The following PANX2 variants were observed in gnomAD, a reference collection of about 807,000 sequenced individuals.
The protein encoded by PANX2 is pannexin-2.
In PANX2, 30 loss-of-function variants were observed where a neutral mutation model predicts 38.7. The ratio of observed to expected loss-of-function variants is 0.78; its 90% confidence interval spans 0.58 to 1.05. PANX2 has a LOEUF of 1.05. Among genes scored for constraint, PANX2 ranks in the 50% least tolerant of loss-of-function variants. The probability of loss-of-function intolerance (pLI) is 0.00; values close to 1 mark genes in which losing one functional copy is unlikely to be tolerated. For synonymous variants in PANX2, 539 were observed against 472.1 expected (o/e 1.14, Z -1.84); for missense variants, 880 against 979.3 (o/e 0.90, Z 1.35).
rs2063684462 is a variant in PANX2, at chr22:50,179,201, C to T, written c.1958C>T (p.Ala653Val). 1.2e-6 allele frequency: 2 copies of T among 1,612,594 alleles called. No homozygotes were observed. The highest frequency in any genetic ancestry group is 1.7e-6 in the Non-Finnish European group (2 of 1,179,910). ...RLPQDVGDLI[A>V]IPAPQQILIA... ...CCGCAGGACGTGGGGGACCTCATCG[C>T]CATCCCTGCCCCACAGCAGATCCTC... Residue 653 changes from alanine (A) to valine (V), a missense_variant, in exon 3 of 3, where the codon GCC becomes GTC. Around this residue, in one of 4 missense-constraint regions of PANX2, gnomAD observed 445 missense variants for 404.3 expected, o/e 1.10. Coordinates refer to ENST00000395842, the MANE Select transcript of PANX2 (RefSeq NM_052839.4).
Position 50,170,966 on chromosome 22 carries a change from G to A in PANX2, c.226+10G>A. 2 of 1,457,530 alleles carry A rather than the reference G, an allele frequency of 1.4e-6. No individual in the cohort carries two copies. The highest frequency in any genetic ancestry group is 1.3e-5 in the South Asian group (1 of 76,506). The allele number at this position is 1,457,530 out of a possible 1,614,324, so 90.3% of individuals were successfully genotyped here. On this transcript the variant is annotated intron_variant, in intron 1 of 2. Coordinates refer to ENST00000395842, the MANE Select transcript of PANX2 (RefSeq NM_052839.4). ...ACCAAGAACTTCGCAGGTGAGGCCG[G>A]CGGCCGGGGCGCGGGGCGCGGGCAG...
intron 1 of PANX2, among the ~76,000 whole-genome samples, chr22:50,174,669 G>A (rs2063652688): frequency 6.6e-6 from 1 of 152,208 alleles, no homozygotes; most frequent in Admixed American, 6.5e-5. Context: ...CCTTCCGTTT[G>A]GACACCTGCA....
At position 50,178,184 on chromosome 22, in the gene PANX2, C is replaced by A; in HGVS notation, c.1472C>A (p.Pro491Gln). ...CACTACAAGGGCGGAGGGGGCGACC[C>A]GGGCCCCGGCCCCGCCCCTGCCCCC... ...AHHYKGGGGD[P>Q]GPGPAPAPAP... Residue 491 changes from proline (P) to glutamine (Q), a missense_variant, in exon 2 of 3, where the codon CCG (proline) becomes CAG (glutamine). By Grantham distance (76) the Pro-to-Gln change is moderately conservative. Coordinates refer to ENST00000395842, the MANE Select transcript of PANX2 (RefSeq NM_052839.4). 3.4e-6 allele frequency: 5 copies of A among 1,483,072 alleles called. No homozygotes were observed. The highest frequency in any genetic ancestry group is 2.7e-5 in the South Asian group (2 of 74,396). 91.9% of individuals were successfully genotyped at this position (1,483,072 alleles called of 1,614,324 possible). A position where few individuals can be genotyped will look rare whatever the true frequency, so the allele number is the denominator to read the frequency against.
At position 50,179,138 on chromosome 22, in the gene PANX2, A is replaced by T. The variant is rs2063683135; in HGVS notation, c.1895A>T (p.Tyr632Phe). Residue 632 changes from tyrosine to phenylalanine, a missense_variant, in exon 3 of 3, where the codon TAC becomes TTC. Tyr to Phe is a conservative substitution (Grantham distance 22). Transcript: ENST00000395842. ...CCGCTGCTGCACATCAACACGCTGT[A>T]CGAGGCCCGGGAGGAGGAGGACGGG... ...THPLLHINTL[Y>F]EAREEEDGGP... The T allele has an allele frequency of 1.9e-6, 3 of 1,612,226 alleles. No homozygotes were observed. Among genetic ancestry groups the T allele is most frequent in the African/African-American group, 1.3e-5 (1 of 75,016 alleles).
chr22:50,177,897 C>T lies in PANX2; in HGVS notation c.1185C>T (p.Pro395=). 1 of 1,534,516 alleles carries T rather than the reference C, an allele frequency of 6.5e-7. No homozygotes were observed. Among genetic ancestry groups the T allele is most frequent in the Non-Finnish European group, 8.7e-7 (1 of 1,144,272 alleles). The part of the protein sequence containing the change: ...ALAQSNHDAT[P]TVRDSGVQTV... ...CGCAGTCCAACCACGACGCCACCCC[C>T]ACGGTGCGCGACTCGGGGGTGCAGA... Residue 395 remains proline (P), a synonymous_variant, in exon 2 of 3, where the codon CCC becomes CCT. Coordinates refer to ENST00000395842, the MANE Select transcript of PANX2 (RefSeq NM_052839.4).
chr22:50,179,549 C>A lies in PANX2; in HGVS notation c.*272C>A. ...AAGGCTGAAGCCCGCTTCCCATGCTCCTGCATCAGGTGCCCAGCCGTGGGT... is the reference window on the plus strand; with the variant it reads ...AAGGCTGAAGCCCGCTTCCCATGCTACTGCATCAGGTGCCCAGCCGTGGGT... On this transcript the variant is annotated 3_prime_UTR_variant, in exon 3 of 3. Transcript: ENST00000395842. 2 of 494,962 alleles carry A rather than the reference C, an allele frequency of 4.0e-6. No homozygotes were observed. Among genetic ancestry groups the A allele is most frequent in the East Asian group, 7.4e-5 (2 of 27,076 alleles). The allele number at this position is 494,962 out of a possible 1,614,324, so 30.7% of individuals were successfully genotyped here.
rs1438203488 is a variant in PANX2 at position 50,175,264 on chromosome 22, AG to A, written c.227-1674del. ...GAGGCCAGGCCGCCCCCTGCCCCAG[AG>A]CCAAGGAGCCCTCCTTCCCATCTCC... On this transcript the variant is annotated intron_variant, in intron 1 of 2. Coordinates refer to ENST00000395842, the MANE Select transcript of PANX2 (RefSeq NM_052839.4). Among the ~76,000 whole-genome samples the A allele has an allele frequency of 3.9e-5, 6 of 152,204 alleles. 1 individual carries two copies. Among genetic ancestry groups the A allele is most frequent in the Admixed American group, 1.3e-4 (2 of 15,298 alleles).
intron 1 of PANX2, among the ~76,000 whole-genome samples, chr22:50,172,692 A>AACACGC: frequency 2.6e-5 from 4 of 151,398 alleles, no homozygotes; most frequent in Non-Finnish European, 5.9e-5. Flanking sequence ...GGCGTGAGCC[A>AACACGC]CTGTGCCCTT....
chr22:50,177,943 C>CCCGCCGAGCCCGACGGCG lies in PANX2; in HGVS notation c.1242_1259dup (p.Asp415_Pro420dup). On this transcript the variant is annotated inframe_insertion, in exon 2 of 3. Transcript: ENST00000395842. ...GCAGACCGTGGACCCCAGCGCCAAC[C>CCCGCCGAGCCCGACGGCG]CCGCCGAGCCCGACGGCGCCGCCGA... The CCCGCCGAGCCCGACGGCG allele has an allele frequency of 1.3e-6, 2 of 1,532,022 alleles. No individual in the cohort carries two copies. Among genetic ancestry groups the CCCGCCGAGCCCGACGGCG allele is most frequent in the Non-Finnish European group, 8.7e-7 (1 of 1,143,912 alleles). 94.9% of individuals were successfully genotyped at this position (1,532,022 alleles called of 1,614,324 possible).
rs571683094 is a variant in PANX2 at position 50,174,000 on chromosome 22, G to A, written c.227-2939G>A. 1.1e-3 allele frequency among the ~76,000 whole-genome samples: 161 copies of A among 152,290 alleles called. 1 individual carries two copies. The highest frequency in any genetic ancestry group is 1.8e-3 in the Admixed American group (27 of 15,296). On this transcript the variant is annotated intron_variant, in intron 1 of 2. Transcript: ENST00000395842. ...TCCGGGGTTGGGATGTGGCATCTTTGGGGGCCATGATTCTGCTCACTGCAG... is the reference window on the plus strand; with the variant it reads ...TCCGGGGTTGGGATGTGGCATCTTTAGGGGCCATGATTCTGCTCACTGCAG...
At chr22:50,172,601 T>C (rs2063638213) in intron 1 of PANX2, among the ~76,000 whole-genome samples, 1 of 152,122 alleles carries the variant, frequency 6.6e-6, no homozygotes, top group Non-Finnish European at 1.5e-5. Flanking sequence ...CTAATTTTTG[T>C]GCCATGTTCC....
intron 2 of PANX2, 125 bp from the exon 3 acceptor site, chr22:50,178,809 G>T: frequency 1.3e-6 from 1 of 792,132 alleles, no homozygotes; most frequent in Non-Finnish European, 2.0e-6. Flanking sequence ...GGGCGTCCAG[G>T]CCCAGCGTCT....
At chr22:50,172,671 C>A (rs2063638573) in intron 1 of PANX2, among the ~76,000 whole-genome samples, 1 of 152,150 alleles carries the variant, frequency 6.6e-6, no homozygotes, top group African/African-American at 2.4e-5. Context: ...TCCCAAAGTG[C>A]TGGGACTACA....
Position 50,177,348 on chromosome 22 carries a change from G to A in PANX2, c.636G>A (p.Lys212=), listed in dbSNP as rs138594408. ...EKSPEQNLFE[K]YLERRGRSNF... Reference sequence around the variant, plus strand: ...GCCCGGAGCAGAACCTGTTCGAGAAGTACCTGGAGCGCCGCGGCCGCAGCA... The same window carrying A: ...GCCCGGAGCAGAACCTGTTCGAGAAATACCTGGAGCGCCGCGGCCGCAGCA... Residue 212 remains lysine, a synonymous_variant, in exon 2 of 3, where the codon AAG becomes AAA. Transcript: ENST00000395842. The A allele has an allele frequency of 3.6e-4, 586 of 1,610,228 alleles. 1 individual carries two copies. Among genetic ancestry groups the A allele is most frequent in the South Asian group, 9.9e-5 (9 of 90,874 alleles).
chr22:50,177,655 T>C lies in PANX2; in HGVS notation c.943T>C (p.Phe315Leu). ...ILVNLIHLFI[F>L]RKSNFIFDKL... ...CGTCAACCTCATCCACCTCTTCATC[T>C]TCCGCAAGAGCAACTTCATCTTCGA... The change falls in exon 2 of 3, where the codon TTC (phenylalanine) becomes CTC (leucine). Residue 315 changes from phenylalanine (F) to leucine (L), a missense_variant. By Grantham distance (22) the Phe-to-Leu change is conservative. Coordinates refer to ENST00000395842, the MANE Select transcript of PANX2 (RefSeq NM_052839.4). 1.2e-6 allele frequency: 2 copies of C among 1,612,734 alleles called. No individual in the cohort carries two copies. The highest frequency in any genetic ancestry group is 1.7e-6 in the Non-Finnish European group (2 of 1,179,990).
chr22:50,178,912 C>G, intron 2 of PANX2, 22 bp from the exon 3 acceptor site: 1 of 1,539,810 alleles, frequency 6.5e-7, no homozygotes, highest in Non-Finnish European at 8.8e-7. Flanking sequence ...TGTGAGATGT[C>G]TGTGCTCTTG....
chr22:50,177,543 G>T lies in PANX2; in HGVS notation c.831G>T (p.Val277=). The T allele has an allele frequency of 6.2e-7, 1 of 1,611,586 alleles. No homozygotes were observed. Residue 277 remains valine (V), a synonymous_variant, in exon 2 of 3, where the codon GTG becomes GTT. Transcript: ENST00000395842. ...GAAGAGPAVR[V]SCKLPSVQLQ... The stretch of plus-strand genomic sequence containing the variant: ...CAGGTGCGGGGCCCGCGGTGCGCGT[G>T]AGCTGCAAGCTCCCGTCCGTGCAAC...
At position 50,177,262 on chromosome 22, in the gene PANX2, G is replaced by A; in HGVS notation, c.550G>A (p.Gly184Ser). Residue 184 changes from glycine (G) to serine (S), a missense_variant, in exon 2 of 3, where the codon GGC becomes AGC. Around this residue, in one of 4 missense-constraint regions of PANX2, gnomAD observed 243 missense variants for 333.1 expected, o/e 0.73. Transcript: ENST00000395842. ...PKIEKQIQSKGPGITEREKRE... is the reference protein window; with the variant it reads ...PKIEKQIQSKSPGITEREKRE... ...GATCGAGAAGCAGATCCAGTCCAAG[G>A]GCCCGGGCATCACGGAGCGCGAGAA... The A allele has an allele frequency of 1.2e-6, 2 of 1,612,376 alleles. No homozygotes were observed. The highest frequency in any genetic ancestry group is 1.7e-6 in the Non-Finnish European group (2 of 1,179,778).
In PANX2 at chr22:50,177,087, C is replaced by T; in HGVS notation, c.375C>T (p.Pro125=). 1.2e-6 allele frequency: 2 copies of T among 1,610,878 alleles called. No individual in the cohort carries two copies. Among genetic ancestry groups the T allele is most frequent in the Admixed American group, 1.7e-5 (1 of 59,752 alleles). Residue 125 remains proline (P), a synonymous_variant, in exon 2 of 3, where the codon CCC becomes CCT. Transcript: ENST00000395842. The part of the protein sequence containing the change: ...WPSLFEHKFL[P]YALLAFAAIM... ...CGCTGTTTGAGCACAAGTTCCTGCC[C>T]TACGCGCTGCTGGCCTTCGCCGCCA...
Sources: gnomAD v4.1 joint callset for allele counts (sites outside exome capture counted in the v4.1 genomes callset) on GRCh38, gnomAD v4.1.1 for gene constraint, gnomAD v4.1.1 regional missense constraint, MANE v1.5 for transcripts, NCBI Gene and HGNC (gene_info 2026-07-23, HGNC 2026-07-21) for gene names.